Variants in SLCO1A2 observed in about 807,000 individuals in gnomAD.
The protein encoded by SLCO1A2 is solute carrier organic anion transporter family member 1A2, also known as OATP-1.
In SLCO1A2, 67 loss-of-function variants were observed where a neutral mutation model predicts 69.0. That is an observed-to-expected ratio of 0.97 (90% confidence interval 0.80 to 1.19). SLCO1A2 has a LOEUF of 1.19. SLCO1A2 is among the 50% of genes most tolerant of loss of function. The probability of loss-of-function intolerance (pLI) is 0.00; values close to 1 mark genes in which losing one functional copy is unlikely to be tolerated. For synonymous variants in SLCO1A2, 260 were observed against 265.9 expected (o/e 0.98, Z 0.22); for missense variants, 787 against 793.7 (o/e 0.99, Z 0.10).
intron 2 of SLCO1A2, among the ~76,000 whole-genome samples, chr12:21,370,784 T>C (rs943209167): frequency 1.3e-5 from 2 of 152,194 alleles, no homozygotes; most frequent in Non-Finnish European, 2.9e-5. Context: ...GATTCAGCAT[T>C]AACTAGATGT....
At chr12:21,275,537 A>ACTTTCAT in intron 12 of SLCO1A2, 113 bp from the exon 13 acceptor site, 1 of 1,097,616 alleles carries the variant, frequency 9.1e-7, no homozygotes, top group Middle Eastern at 3.4e-4. Context: ...TCAAAATTTT[A>ACTTTCAT]CTTTCATGCT....
At chr12:21,309,799 A>G (rs34211424) in intron 4 of SLCO1A2, among the ~76,000 whole-genome samples, 16,131 of 152,232 alleles carry the variant, frequency 0.11, 955 homozygotes, top group Non-Finnish European at 0.13. Context: ...CAAGGATAAT[A>G]ATGAGAGAAA....
intron 2 of SLCO1A2, among the ~76,000 whole-genome samples, chr12:21,329,331 C>G (rs147436661): frequency 0.011 from 1,601 of 152,176 alleles, 23 homozygotes; most frequent in African/African-American, 0.037. Context: ...TCAGAGGTAA[C>G]TTTTGTTGCT....
intron 4 of SLCO1A2, among the ~76,000 whole-genome samples, 177 bp from the exon 5 acceptor site, chr12:21,307,165 C>A (rs1162008748): frequency 6.6e-6 from 1 of 152,176 alleles, no homozygotes; most frequent in Non-Finnish European, 1.5e-5. Flanking sequence ...AAACTTGCCA[C>A]TTTCTGTAAA....
At chr12:21,397,118 C>T (rs146875369), upstream of SLCO1A2, among the ~76,000 whole-genome samples, 5,052 of 152,106 alleles carry the variant, frequency 0.033, 131 homozygotes, top group Non-Finnish European at 0.049. Context: ...GTGCAGTATT[C>T]GGGAGACCCA....
intron 1 of SLCO1A2, among the ~76,000 whole-genome samples, chr12:21,408,018 C>T (rs1017148792): frequency 6.6e-6 from 1 of 152,044 alleles, no homozygotes; most frequent in Non-Finnish European, 1.5e-5. Context: ...ACTGACTGAG[C>T]TTTTCTGGAA....
intron 2 of SLCO1A2, among the ~76,000 whole-genome samples, chr12:21,352,719 A>G (rs1591872004): frequency 6.6e-6 from 1 of 152,372 alleles, no homozygotes; most frequent in African/African-American, 2.4e-5. Context: ...TGCGAGAAAT[A>G]TCTTCAATCC....
chr12:21,271,335 C>T (rs1942789619), intron 14 of SLCO1A2, among the ~76,000 whole-genome samples: 1 of 151,706 alleles, frequency 6.6e-6, no homozygotes, highest in Non-Finnish European at 1.5e-5. Flanking sequence ...GCTTTGTTTA[C>T]TCCTTTATGT....
chr12:21,337,361 A>G (rs1591860062), upstream of SLCO1A2, among the ~76,000 whole-genome samples: 1 of 152,076 alleles, frequency 6.6e-6, no homozygotes, highest in East Asian at 1.9e-4. Context: ...CTCTTGCAGT[A>G]TTAAACAAAT....
chr12:21,311,963 G>GAGA (rs1018626520), intron 4 of SLCO1A2, among the ~76,000 whole-genome samples: 1 of 151,162 alleles, frequency 6.6e-6, no homozygotes, highest in African/African-American at 2.4e-5. Context: ...GAATGAGAAG[G>GAGA]AGAAGAAGAA....
chr12:21,399,868 A>G (rs1941627039), upstream of SLCO1A2, among the ~76,000 whole-genome samples: 1 of 148,308 alleles, frequency 6.7e-6, no homozygotes, highest in Non-Finnish European at 1.5e-5. Context: ...CTTATACAAA[A>G]ATCAATTCAA....
chr12:21,283,100 A>G (rs976552899), intron 12 of SLCO1A2, among the ~76,000 whole-genome samples: 3 of 152,186 alleles, frequency 2.0e-5, no homozygotes, highest in Middle Eastern at 3.2e-3. Context: ...CAAAAGATCC[A>G]GGATAGCCAA....
In SLCO1A2 at chr12:21,382,801, A is replaced by AC. The variant is rs1488150516; in HGVS notation, c.-189-8277_-189-8276insG. 9.2e-5 allele frequency among the ~76,000 whole-genome samples: 14 copies of AC among 151,818 alleles called. 1 individual carries two copies. The South Asian group carries it at 2.9e-3, about 32-fold the overall frequency. ...CAGAAGAAACTCCGTCTCAAAAAAA[A>AC]AAAAAAAAGAAAGAAAAGAAACGAA... On this transcript the variant is annotated intron_variant, in intron 1 of 15. Transcript: ENST00000307378.
chr12:21,379,109 C>T (rs1940421456), intron 1 of SLCO1A2: 1 of 152,062 alleles, frequency 6.6e-6, no homozygotes, highest in Non-Finnish European at 1.5e-5. Context: ...TGTAAGTACC[C>T]CTGATAAGCA....
chr12:21,393,297 C>T (rs1222938827), intron 1 of SLCO1A2, among the ~76,000 whole-genome samples: 1 of 152,116 alleles, frequency 6.6e-6, no homozygotes, highest in Non-Finnish European at 1.5e-5. Flanking sequence ...ATTTTCATTG[C>T]ATCCCCAAAA....
chr12:21,275,099 T>C (rs1943551928), intron 13 of SLCO1A2: 7 of 1,061,116 alleles, frequency 6.6e-6, no homozygotes, highest in Non-Finnish European at 8.0e-6. Flanking sequence ...TATTTAATAT[T>C]GTTCTGCACA....
chr12:21,346,092 C>T (rs1241132810), intron 2 of SLCO1A2, among the ~76,000 whole-genome samples: 3 of 151,688 alleles, frequency 2.0e-5, no homozygotes, highest in African/African-American at 7.3e-5. Context: ...AGGAAGAATG[C>T]ATTTATGAAG....
chr12:21,402,029 G>A (rs143737754), intron 1 of SLCO1A2, among the ~76,000 whole-genome samples: 1,736 of 150,102 alleles, frequency 0.012, 35 homozygotes, highest in African/African-American at 0.041. Context: ...CATGTTTAAA[G>A]ATGAAAAAGA....
intron 1 of SLCO1A2, among the ~76,000 whole-genome samples, chr12:21,405,330 A>AT (rs1941806355): frequency 6.6e-6 from 1 of 151,940 alleles, no homozygotes; most frequent in Non-Finnish European, 1.5e-5. Context: ...TATTGCCTAG[A>AT]TTTTCCCCTA....
Sources: allele counts gnomAD v4.1 joint callset (sites outside exome capture counted in the v4.1 genomes callset), GRCh38; gene constraint gnomAD v4.1.1; transcripts MANE v1.5; gene names NCBI Gene and HGNC (gene_info 2026-07-23, HGNC 2026-07-21).